The following FAT3 variants were observed in gnomAD, a reference collection of about 807,000 sequenced individuals.
FAT3 encodes FAT atypical cadherin 3.
In FAT3, 95 loss-of-function variants were observed where a neutral mutation model predicts 310.2. The ratio of observed to expected loss-of-function variants is 0.31; its 90% CI spans 0.26 to 0.36. FAT3 has a LOEUF of 0.36. FAT3 is among the 10% of genes least tolerant of loss of function. The pLI is 1.00. For synonymous variants in FAT3, 2,314 were observed against 2,192.9 expected (o/e 1.06, Z -1.54); for missense variants, 5,408 against 5,715.6 (o/e 0.95, Z 1.74).
At chr11:92,403,967 C>T (rs1259191888) in intron 2 of FAT3, among the ~76,000 whole-genome samples, 9 of 151,680 alleles carry the variant, frequency 5.9e-5, no homozygotes, top group Admixed American at 5.3e-4. Context: ...ACCTGGGAGG[C>T]GGAGGTTGCA....
intron 2 of FAT3, among the ~76,000 whole-genome samples, chr11:92,409,016 T>C (rs1222191622): frequency 1.3e-5 from 2 of 152,210 alleles, no homozygotes; most frequent in Non-Finnish European, 2.9e-5. Context: ...CAACTATTAA[T>C]GAATTAAACA....
At chr11:92,704,985 C>T (rs945767499) in intron 4 of FAT3, among the ~76,000 whole-genome samples, 9 of 152,164 alleles carry the variant, frequency 5.9e-5, no homozygotes, top group African/African-American at 2.2e-4. Context: ...GGAGAATTAT[C>T]CTCCAAGTTA....
chr11:92,279,481 A>G (rs1471593693), intron 1 of FAT3, among the ~76,000 whole-genome samples: 1 of 152,186 alleles, frequency 6.6e-6, no homozygotes, highest in Non-Finnish European at 1.5e-5. Context: ...AGTGCTTCAC[A>G]TGTATTAACT....
chr11:92,863,812 G>A (rs1949174600), intron 21 of FAT3, among the ~76,000 whole-genome samples: 1 of 152,164 alleles, frequency 6.6e-6, no homozygotes, highest in Non-Finnish European at 1.5e-5. Flanking sequence ...TGAAAAGACA[G>A]TGTTCTTTTC....
intron 1 of FAT3, among the ~76,000 whole-genome samples, chr11:92,296,534 G>C (rs1169903528): frequency 6.6e-6 from 1 of 152,088 alleles, no homozygotes; most frequent in East Asian, 1.9e-4. Context: ...TCCATCTGCT[G>C]ACCTAGGAGT....
At chr11:92,735,262 A>G (rs1009771113) in intron 4 of FAT3, among the ~76,000 whole-genome samples, 2 of 152,122 alleles carry the variant, frequency 1.3e-5, no homozygotes, top group African/African-American at 2.4e-5. Flanking sequence ...AATCATAGCC[A>G]TTTTCATGAT....
intron 24 of FAT3, among the ~76,000 whole-genome samples, chr11:92,885,312 G>A (rs1949771338): frequency 6.6e-6 from 1 of 152,272 alleles, no homozygotes; most frequent in Non-Finnish European, 1.5e-5. Context: ...TCATTCCACG[G>A]AGGAAAAAAC....
At chr11:92,810,105 A>G (rs776001683) in intron 13 of FAT3, 29 bp downstream of exon 13, 13 of 1,587,642 alleles carry the variant, frequency 8.2e-6, no homozygotes, top group Middle Eastern at 1.7e-4. Context: ...TCTCCCTGTC[A>G]CACAGTGGAC....
At chr11:92,329,351 C>T (rs750429864) in intron 1 of FAT3, among the ~76,000 whole-genome samples, 1 of 151,930 alleles carries the variant, frequency 6.6e-6, no homozygotes, top group Non-Finnish European at 1.5e-5. Context: ...TAAAAAGAGC[C>T]TGGCATCTCC....
At chr11:92,396,580 C>G (rs534591294) in intron 2 of FAT3, among the ~76,000 whole-genome samples, 1 of 152,104 alleles carries the variant, frequency 6.6e-6, no homozygotes, top group Admixed American at 6.5e-5. Context: ...CCAGGGACCC[C>G]GTGGAAGTGC....
At chr11:92,768,614 C>T (rs902092424) in intron 6 of FAT3, among the ~76,000 whole-genome samples, 2 of 152,204 alleles carry the variant, frequency 1.3e-5, no homozygotes, top group Non-Finnish European at 2.9e-5. Context: ...CATGGAAACT[C>T]TCATCTCTCT....
chr11:92,720,124 A>G (rs960158168), intron 4 of FAT3, among the ~76,000 whole-genome samples: 10 of 152,186 alleles, frequency 6.6e-5, no homozygotes, highest in Admixed American at 3.9e-4. Context: ...TTTGAAATAC[A>G]TCTGCTTTCC....
chr11:92,801,925 C>A lies in FAT3; in HGVS notation c.8896+16C>A, dbSNP rs754419004. 9.4e-6 allele frequency: 15 copies of A among 1,602,734 alleles called. No individual in the cohort carries two copies. The highest frequency in any genetic ancestry group is 1.3e-5 in the Non-Finnish European group (15 of 1,172,152). On this transcript the variant is annotated intron_variant, in intron 10 of 27. Coordinates refer to ENST00000525166, the MANE Select transcript of FAT3 (RefSeq NM_001367949.2). ...CATATTACAGGTGAGTAAATACCCC[C>A]AGTTTTCATTATGTGCACTGCTTTA...
intron 1 of FAT3, among the ~76,000 whole-genome samples, chr11:92,279,718 A>G (rs1272042521): frequency 6.6e-6 from 1 of 152,164 alleles, no homozygotes; most frequent in East Asian, 1.9e-4. Flanking sequence ...TCTTCCGGCT[A>G]CTTTGAAATA....
chr11:92,498,110 G>A (rs1269138137), intron 2 of FAT3: 2 of 152,748 alleles, frequency 1.3e-5, no homozygotes, highest in East Asian at 3.8e-4. Context: ...CCACAAATGG[G>A]ACTTTTTATC....
chr11:92,526,126 G>C (rs576100261), intron 3 of FAT3, among the ~76,000 whole-genome samples: 15 of 152,224 alleles, frequency 9.9e-5, no homozygotes, highest in African/African-American at 3.6e-4. Context: ...TTGCAGAAGA[G>C]GGCTCAGATT....
At chr11:92,446,360 C>A (rs1416818452) in intron 2 of FAT3, among the ~76,000 whole-genome samples, 1 of 152,120 alleles carries the variant, frequency 6.6e-6, no homozygotes, top group Non-Finnish European at 1.5e-5. Flanking sequence ...CCTGGACTGG[C>A]ATGAAGGAAG....
intron 1 of FAT3, among the ~76,000 whole-genome samples, chr11:92,240,195 T>C (rs1315227559): frequency 6.6e-6 from 1 of 151,986 alleles, no homozygotes; most frequent in African/African-American, 2.4e-5. Context: ...TTTTTAGTTT[T>C]ACATTTTTTT....
At chr11:92,597,095 T>A (rs953360392) in intron 3 of FAT3, among the ~76,000 whole-genome samples, 2 of 152,178 alleles carry the variant, frequency 1.3e-5, no homozygotes, top group African/African-American at 4.8e-5. Context: ...TTGTTGAAAA[T>A]GTGTCTGATG....
Sources: gnomAD v4.1 joint callset for allele counts (sites outside exome capture counted in the v4.1 genomes callset) on GRCh38, gnomAD v4.1.1 for gene constraint, MANE v1.5 for transcripts, NCBI Gene and HGNC (gene_info 2026-07-23, HGNC 2026-07-21) for gene names.